CUBN: variants seen among roughly 807,000 people sequenced by gnomAD.
CUBN encodes 460 kDa receptor.
A neutral mutation model predicts 405.3 loss-of-function variants in CUBN; 282 were observed. The ratio of observed to expected loss-of-function variants is 0.70; its 90% confidence interval spans 0.63 to 0.77. The LOEUF is 0.77. CUBN is among the 30% of genes least tolerant of loss of function. CUBN has a pLI of 0.00. For synonymous variants in CUBN, 1,684 were observed against 1,617.0 expected (o/e 1.04, Z -0.99); for missense variants, 4,514 against 4,475.2 (o/e 1.01, Z -0.25).
At chr10:17,014,043 G>A (rs1363884645) in intron 28 of CUBN, among the ~76,000 whole-genome samples, 2 of 152,182 alleles carry the variant, frequency 1.3e-5, no homozygotes, top group African/African-American at 4.8e-5. Flanking sequence ...GGTCCCTCAA[G>A]GAGTAGCACC....
intron 31 of CUBN, 44 bp from the exon 32 acceptor site, chr10:16,954,592 C>G: frequency 6.2e-7 from 1 of 1,604,748 alleles, no homozygotes. Flanking sequence ...AGATTCACAT[C>G]TAGAAGGCCT....
intron 27 of CUBN, among the ~76,000 whole-genome samples, chr10:17,028,157 T>G (rs756581361): frequency 1.3e-5 from 2 of 151,894 alleles, no homozygotes; most frequent in Non-Finnish European, 2.9e-5. Context: ...TGTGTATACA[T>G]GAAAATTTAA....
chr10:16,964,600 G>A (rs1229856610), intron 31 of CUBN, among the ~76,000 whole-genome samples: 1 of 152,134 alleles, frequency 6.6e-6, no homozygotes, highest in Non-Finnish European at 1.5e-5. Context: ...AATTTAATAT[G>A]AGGAGCATGT....
At chr10:17,086,254 G>A (rs1020215378) in intron 15 of CUBN, among the ~76,000 whole-genome samples, 2 of 152,098 alleles carry the variant, frequency 1.3e-5, no homozygotes, top group Admixed American at 1.3e-4. Context: ...ATGAGCCACC[G>A]CGCCTGGCCT....
chr10:16,914,933 G>A lies in CUBN; in HGVS notation c.7351+99C>T, dbSNP rs75179417. 8,518 of 1,081,250 alleles carry A rather than the reference G, an allele frequency of 7.9e-3. 375 individuals are homozygous for A. The African/African-American group carries it at 0.11, about 14-fold the overall frequency. The allele number at this position is 1,081,250 out of a possible 1,614,324, so 67.0% of individuals were successfully genotyped here. On this transcript the variant is annotated intron_variant, in intron 47 of 66. Transcript: ENST00000377833. ...TAAGGTCCAAGAAAATAGGGGTCATGTTTTGTTTTGTTTTTCAAATATTTT... is the reference window on the plus strand; with the variant it reads ...TAAGGTCCAAGAAAATAGGGGTCATATTTTGTTTTGTTTTTCAAATATTTT...
chr10:17,100,114 G>T lies in CUBN; in HGVS notation c.1656C>A (p.Ser552Arg). The change falls in exon 14 of 67, where the codon AGC (serine) becomes AGA (arginine). Residue 552 changes from serine to arginine, a missense_variant. Ser to Arg is a moderately radical substitution (Grantham distance 110). Coordinates refer to ENST00000377833, the MANE Select transcript of CUBN (RefSeq NM_001081.4). The part of the protein sequence containing the change: ...AFQLGRFCGS[S>R]LPHELLSSDN... ...CACTGCTGAGGAGTTCATGAGGGAG[G>T]CTGGAGCCACAAAATCTTCCAAGTT... The T allele has an allele frequency of 6.2e-7, 1 of 1,613,712 alleles. No individual in the cohort carries two copies. Among genetic ancestry groups the T allele is most frequent in the East Asian group, 2.2e-5 (1 of 44,858 alleles).
chr10:16,926,666 A>T (rs981297215), intron 41 of CUBN, among the ~76,000 whole-genome samples: 14 of 152,316 alleles, frequency 9.2e-5, no homozygotes, highest in African/African-American at 3.1e-4. Context: ...AGAAAAGTCA[A>T]AAATAACATC....
Position 16,921,441 on chromosome 10 carries a change from T to A in CUBN, c.6647-1304A>T, listed in dbSNP as rs528541748. Among the ~76,000 whole-genome samples the A allele has an allele frequency of 1.3e-4, 20 of 152,226 alleles. No homozygotes were observed. The South Asian group carries it at 3.9e-3, about 30-fold the overall frequency. ...CTCTCTCTCCCTATCTGTCTGTCTGTCTCTCTCCTTCTCTCTTTTTGCCCT... is the reference window on the plus strand; with the variant it reads ...CTCTCTCTCCCTATCTGTCTGTCTGACTCTCTCCTTCTCTCTTTTTGCCCT... On this transcript the variant is annotated intron_variant, in intron 43 of 66. Transcript: ENST00000377833.
intron 13 of CUBN, 37 bp from the exon 14 acceptor site, chr10:17,100,276 T>C (rs763954622): frequency 2.2e-6 from 3 of 1,369,972 alleles, no homozygotes; most frequent in Non-Finnish European, 3.1e-6. Context: ...ATCTTTTACT[T>C]CCATGTAAAT....
rs757843122 is a variant in CUBN, at chr10:17,129,151, A to G, written c.222T>C (p.Asn74=). The G allele has an allele frequency of 1.9e-6, 3 of 1,613,190 alleles. No individual in the cohort carries two copies. The highest frequency in any genetic ancestry group is 2.5e-6 in the Non-Finnish European group (3 of 1,179,148). ...GTAAACACTCACTGAGATCTTCATC[A>G]TTTAATTTAATTTTTCCCAGGGATC... ...RTGSLGKIKL[N]DEDLSECLHQ... Residue 74 remains asparagine, a synonymous_variant, in exon 2 of 67, where the codon AAT becomes AAC. Transcript: ENST00000377833.
chr10:17,044,147 TATATA>T lies in CUBN; in HGVS notation c.3673-169_3673-165del, dbSNP rs60434470. ...TATAAAATATTATAAATATTCATTA[TATATA>T]ATATATTTATAAAATAAATTTATTT... On this transcript the variant is annotated intron_variant, in intron 25 of 66. Transcript: ENST00000377833. Among the ~76,000 whole-genome samples, 7,555 of 146,832 alleles carry T rather than the reference TATATA, an allele frequency of 0.051. 669 individuals carry two copies. The highest frequency in any genetic ancestry group is 0.18 in the African/African-American group (7,161 of 40,516).
intron 23 of CUBN, among the ~76,000 whole-genome samples, 173 bp downstream of exon 23, chr10:17,047,241 C>T (rs1410497607): frequency 6.6e-6 from 1 of 152,092 alleles, no homozygotes; most frequent in Non-Finnish European, 1.5e-5. Context: ...TATGCAATTC[C>T]TGTATTTCTC....
chr10:16,924,994 T>C (rs1842140787), intron 43 of CUBN, among the ~76,000 whole-genome samples: 1 of 152,160 alleles, frequency 6.6e-6, no homozygotes, highest in Admixed American at 6.5e-5. Context: ...TTCACTTTGG[T>C]CACTAATTAG....
chr10:16,977,664 G>A (rs987945331), intron 31 of CUBN, among the ~76,000 whole-genome samples: 1 of 152,162 alleles, frequency 6.6e-6, no homozygotes, highest in Non-Finnish European at 1.5e-5. Flanking sequence ...ACACTGAGCT[G>A]GTTAAAACTT....
At chr10:17,102,714 C>A (rs1020500924) in intron 13 of CUBN, among the ~76,000 whole-genome samples, 1 of 145,882 alleles carries the variant, frequency 6.9e-6, no homozygotes, top group African/African-American at 2.6e-5. Context: ...TCAAGCAATT[C>A]TCCTGCCTCA....
rs1444382636 is a variant in CUBN, at chr10:16,901,347, G to A, written c.8175C>T (p.His2725=). ...CSSLLEAPQG[H]TITLTFSDFD... ...AGTCATTAGCACTCACAGTGATGGT[G>A]TGCCCTTGTGGGGCCTCCAACAGCG... The change falls in exon 52 of 67, where the codon CAC becomes CAT. Residue 2725 remains histidine (H), a synonymous_variant. Transcript: ENST00000377833. 8.1e-6 allele frequency: 13 copies of A among 1,614,034 alleles called. No homozygotes were observed. Among genetic ancestry groups the A allele is most frequent in the Non-Finnish European group, 1.0e-5 (12 of 1,180,014 alleles).
chr10:17,016,687 C>T lies in CUBN; in HGVS notation c.4168+3146G>A, dbSNP rs573582615. Among the ~76,000 whole-genome samples, 126 of 152,090 alleles carry T rather than the reference C, an allele frequency of 8.3e-4. 3 individuals carry two copies. In the South Asian group the frequency reaches 0.024, roughly 29 times the overall value. On this transcript the variant is annotated intron_variant, in intron 28 of 66. Transcript: ENST00000377833. ...CTTGAAGGGTACATAACCAATATCC[C>T]GGGGGTTTTTGTGGTCCCTTGGAGA...
At chr10:16,923,044 C>T (rs190994146) in intron 43 of CUBN, among the ~76,000 whole-genome samples, 102 of 152,008 alleles carry the variant, frequency 6.7e-4, no homozygotes, top group African/African-American at 2.4e-3. Flanking sequence ...TTCTATGTTG[C>T]CCAGGTTGGT....
intron 28 of CUBN, among the ~76,000 whole-genome samples, chr10:17,001,778 G>A (rs372751103): frequency 1.4e-4 from 22 of 152,196 alleles, no homozygotes; most frequent in African/African-American, 4.8e-4. Context: ...TTACATTTAG[G>A]TGGTAAAATC....
Sources: gnomAD v4.1 joint callset for allele counts (sites outside exome capture counted in the v4.1 genomes callset) on GRCh38, gnomAD v4.1.1 for gene constraint, MANE v1.5 for transcripts, NCBI Gene and HGNC (gene_info 2026-07-23, HGNC 2026-07-21) for gene names.